Variants in DGKB observed in about 807,000 individuals in gnomAD.
DGKB encodes 90 kDa diacylglycerol kinase.
A neutral mutation model predicts 114.3 loss-of-function variants in DGKB; 67 were observed. The ratio of observed to expected loss-of-function variants is 0.59; its 90% CI spans 0.48 to 0.72. The LOEUF is 0.72. DGKB is among the 30% of genes least tolerant of loss of function. The pLI, the probability that DGKB is intolerant of heterozygous loss-of-function variation, is 0.00. For synonymous variants in DGKB, 398 were observed against 323.1 expected (o/e 1.23, Z -2.49); for missense variants, 907 against 975.2 (o/e 0.93, Z 0.93).
At chr7:14,957,933 G>A in intron 1 of DGKB, among the ~76,000 whole-genome samples, 1 of 152,040 alleles carries the variant, frequency 6.6e-6, no homozygotes, top group Middle Eastern at 3.4e-3. Flanking sequence ...AATTTTAAAA[G>A]TATTTCTTTA....
intron 1 of DGKB, among the ~76,000 whole-genome samples, chr7:14,955,054 C>G (rs916015676): frequency 2.0e-5 from 3 of 151,954 alleles, no homozygotes; most frequent in Admixed American, 2.0e-4. Context: ...GAAGAGCTCC[C>G]AGCTGACTGT....
chr7:14,968,572 C>A (rs1263188244), intron 1 of DGKB, among the ~76,000 whole-genome samples: 2 of 152,058 alleles, frequency 1.3e-5, no homozygotes, highest in East Asian at 3.9e-4. Context: ...ACCTAATAAC[C>A]AAATCTCAGA....
At chr7:14,285,017 A>G (rs557989119) in intron 23 of DGKB, among the ~76,000 whole-genome samples, 1 of 77,822 alleles carries the variant, frequency 1.3e-5, no homozygotes, top group South Asian at 6.7e-4. Flanking sequence ...ATAATAATAA[A>G]AAAATAAAAA....
chr7:14,616,981 T>C (rs1323913778), intron 15 of DGKB, among the ~76,000 whole-genome samples: 1 of 151,742 alleles, frequency 6.6e-6, no homozygotes, highest in Non-Finnish European at 1.5e-5. Context: ...ATAGAATTCA[T>C]CATGTAAAAT....
chr7:14,542,697 T>A (rs917032369), intron 20 of DGKB, among the ~76,000 whole-genome samples: 2 of 152,176 alleles, frequency 1.3e-5, no homozygotes, highest in African/African-American at 2.4e-5. Context: ...GGGTCTCTGA[T>A]GCTAAGGGTT....
intron 2 of DGKB, among the ~76,000 whole-genome samples, chr7:14,784,443 A>G (rs895558305): frequency 6.6e-5 from 10 of 150,718 alleles, no homozygotes; most frequent in African/African-American, 2.5e-4. Flanking sequence ...TCTTGGCTCA[A>G]TGCAGCCTCT....
intron 1 of DGKB, among the ~76,000 whole-genome samples, chr7:14,935,181 T>A (rs1785211453): frequency 6.6e-6 from 1 of 152,166 alleles, no homozygotes; most frequent in Admixed American, 6.6e-5. Flanking sequence ...GATCTGTGAA[T>A]TGTGGCTGTT....
chr7:14,257,998 G>A (rs1796198879), intron 23 of DGKB, among the ~76,000 whole-genome samples: 1 of 152,186 alleles, frequency 6.6e-6, no homozygotes, highest in South Asian at 2.1e-4. Context: ...AAAGTGCTGG[G>A]ATTGCAGGCG....
At chr7:14,150,949 C>A (rs890545955) in intron 25 of DGKB, among the ~76,000 whole-genome samples, 4 of 151,856 alleles carry the variant, frequency 2.6e-5, no homozygotes, top group Non-Finnish European at 5.9e-5. Flanking sequence ...AAGCTCTGCC[C>A]CCAAGAAATT....
In DGKB at chr7:14,322,967, C is replaced by T. The variant is rs531618149; in HGVS notation, c.2122+15548G>A. On this transcript the variant is annotated intron_variant, in intron 23 of 25. Coordinates refer to ENST00000402815, the MANE Select transcript of DGKB (RefSeq NM_001350709.2). ...CCCTTGTGCACTGCTGATCATAGCG[C>T]AAATCAGTACAATCACTTTTAGTAG... 3.9e-5 allele frequency among the ~76,000 whole-genome samples: 6 copies of T among 152,188 alleles called. No individual in the cohort carries two copies. In the South Asian group the frequency reaches 1.2e-3, roughly 32 times the overall value.
At chr7:14,934,369 G>C (rs1387880996) in intron 1 of DGKB, among the ~76,000 whole-genome samples, 3 of 152,132 alleles carry the variant, frequency 2.0e-5, no homozygotes, top group Non-Finnish European at 4.4e-5. Context: ...TGAATTACAA[G>C]TGTGATATAG....
At chr7:14,375,597 C>T (rs1818349032) in intron 21 of DGKB, among the ~76,000 whole-genome samples, 1 of 152,206 alleles carries the variant, frequency 6.6e-6, no homozygotes, top group Non-Finnish European at 1.5e-5. Context: ...TAACCACATG[C>T]CTTTCCTCCT....
chr7:14,634,377 T>G (rs1345541098), intron 13 of DGKB, among the ~76,000 whole-genome samples: 2 of 151,386 alleles, frequency 1.3e-5, no homozygotes, highest in African/African-American at 4.8e-5. Context: ...AAAATTACTA[T>G]TTTTAGCCTT....
In DGKB at chr7:14,843,318, T is replaced by C. The variant is rs1277685581; in HGVS notation, c.-187-1868A>G. On this transcript the variant is annotated intron_variant, in intron 1 of 25. Transcript: ENST00000402815. ...TTTGTTAATTAAATTTTAATAACTT[T>C]TTTTTTTTTTTTTTTTTTTTTTTTT... Among the ~76,000 whole-genome samples the C allele has an allele frequency of 9.9e-4, 14 of 14,078 alleles. No individual in the cohort carries two copies. In the African/African-American group the frequency reaches 0.017, roughly 17 times the overall value. 9.2% of individuals were successfully genotyped at this position (14,078 alleles called of 152,430 possible).
chr7:14,686,160 C>T (rs555630251), intron 9 of DGKB, among the ~76,000 whole-genome samples: 1 of 152,064 alleles, frequency 6.6e-6, no homozygotes, highest in African/African-American at 2.4e-5. Context: ...AATTAATTCC[C>T]ACTTTAGCAA....
intron 1 of DGKB, among the ~76,000 whole-genome samples, chr7:14,895,083 G>T (rs1484071468): frequency 6.6e-6 from 1 of 151,494 alleles, no homozygotes; most frequent in East Asian, 1.9e-4. Context: ...GGTTGTTTAT[G>T]TGCAGCCCAA....
chr7:14,585,178 A>T (rs968624297), intron 17 of DGKB, among the ~76,000 whole-genome samples: 1 of 152,094 alleles, frequency 6.6e-6, no homozygotes, highest in Non-Finnish European at 1.5e-5. Flanking sequence ...TATATTGTGG[A>T]TATTTAACCT....
chr7:14,228,426 T>G (rs971326932), intron 23 of DGKB, among the ~76,000 whole-genome samples: 3 of 151,918 alleles, frequency 2.0e-5, no homozygotes, highest in Admixed American at 6.6e-5. Context: ...TGAATGGGAG[T>G]TTCAACTCAT....
chr7:14,826,735 A>ATAC (rs1378935146), intron 2 of DGKB, among the ~76,000 whole-genome samples: 6 of 152,154 alleles, frequency 3.9e-5, no homozygotes, highest in African/African-American at 1.4e-4. Flanking sequence ...AATAATAATA[A>ATAC]TAAGTACTGG....
Sources: allele counts gnomAD v4.1 joint callset (sites outside exome capture counted in the v4.1 genomes callset), GRCh38; gene constraint gnomAD v4.1.1; transcripts MANE v1.5; gene names NCBI Gene and HGNC (gene_info 2026-07-23, HGNC 2026-07-21).